Variants in RYR3 observed in about 807,000 individuals in gnomAD.
The protein encoded by RYR3 is brain ryanodine receptor-calcium release channel.
Under a neutral mutation model 584.3 loss-of-function variants are expected in RYR3, and 207 were observed. That is an observed-to-expected ratio of 0.35 (90% CI 0.32 to 0.40). The LOEUF (loss-of-function observed/expected upper bound fraction) is 0.40. RYR3 is among the 10% of genes least tolerant of loss of function. The probability of loss-of-function intolerance (pLI) is 1.00; values close to 1 mark genes in which losing one functional copy is unlikely to be tolerated. For missense variants in RYR3, 5,616 were observed against 6,089.2 expected (o/e 0.92, Z 2.59); for synonymous variants, 2,416 against 2,248.5 (o/e 1.07, Z -2.11).
intron 32 of RYR3, among the ~76,000 whole-genome samples, chr15:33,654,021 C>T (rs929674274): frequency 2.0e-5 from 3 of 150,556 alleles, no homozygotes; most frequent in African/African-American, 7.3e-5. Context: ...TAGAGTTCCA[C>T]AGAGCAAACT....
chr15:33,860,495 ACTT>A (rs971470572), intron 100 of RYR3, 97 bp from the exon 101 acceptor site: 2 of 642,432 alleles, frequency 3.1e-6, no homozygotes, highest in African/African-American at 3.7e-5. Context: ...TTGATAATTC[ACTT>A]TTTTTTTTTA....
At chr15:33,638,190 G>A (rs1364913183) in intron 27 of RYR3, among the ~76,000 whole-genome samples, 1 of 152,214 alleles carries the variant, frequency 6.6e-6, no homozygotes, top group Non-Finnish European at 1.5e-5. Context: ...GCAGACAGGT[G>A]AGAATGATGT....
intron 12 of RYR3, 55 bp from the exon 13 acceptor site, chr15:33,579,921 A>T: frequency 2.7e-6 from 4 of 1,461,634 alleles, no homozygotes; most frequent in Non-Finnish European, 3.7e-6. Flanking sequence ...GTGGGTGTTC[A>T]TCAGGGCCCT....
intron 16 of RYR3, among the ~76,000 whole-genome samples, chr15:33,595,679 C>T (rs633138): frequency 0.45 from 68,809 of 151,874 alleles, 16,089 homozygotes; most frequent in East Asian, 0.79. Context: ...GATGAGCCTT[C>T]AATTGCTATC....
chr15:33,843,285 A>C (rs10152827), intron 91 of RYR3, among the ~76,000 whole-genome samples: 1,748 of 152,072 alleles, frequency 0.011, 37 homozygotes, highest in African/African-American at 0.04. Context: ...GCACCACTGC[A>C]CTCCAGCCTG....
At chr15:33,710,421 G>C (rs2067024556) in intron 43 of RYR3, among the ~76,000 whole-genome samples, 1 of 146,372 alleles carries the variant, frequency 6.8e-6, no homozygotes, top group Non-Finnish European at 1.5e-5. Context: ...TTAGCTGACT[G>C]CACCCTCGAC....
In RYR3 at chr15:33,311,325, C is replaced by T. The variant is rs1306222152; in HGVS notation, c.51+229C>T. Among the ~76,000 whole-genome samples the T allele has an allele frequency of 6.6e-6, 1 of 152,216 alleles. No individual in the cohort carries two copies. The highest frequency in any genetic ancestry group is 1.5e-5 in the Non-Finnish European group (1 of 68,026). Reference sequence around the variant, plus strand: ...CTCCCTTGTTCCCCTACCGCCACCCCTGCCCCAGGCCCTCCACCTAGGACC... The same window carrying T: ...CTCCCTTGTTCCCCTACCGCCACCCTTGCCCCAGGCCCTCCACCTAGGACC... On this transcript the variant is annotated intron_variant, in intron 1 of 103. Coordinates refer to ENST00000634891, the MANE Select transcript of RYR3 (RefSeq NM_001036.6). The surrounding 1 kb of genome is among the most constrained non-coding windows in gnomAD (Gnocchi z 4.4).
intron 8 of RYR3, among the ~76,000 whole-genome samples, chr15:33,546,505 T>C (rs1310520197): frequency 2.0e-5 from 3 of 152,346 alleles, no homozygotes. Flanking sequence ...AAATAGCCTC[T>C]GTAATCCCAC....
intron 30 of RYR3, 124 bp from the exon 31 acceptor site, chr15:33,648,948 C>A: frequency 1.2e-6 from 1 of 850,506 alleles, no homozygotes; most frequent in Non-Finnish European, 1.8e-6. Context: ...TACTAGTGTG[C>A]ACTTTTCCAG....
chr15:33,799,336 A>G (rs2075790576), intron 67 of RYR3, among the ~76,000 whole-genome samples: 1 of 152,118 alleles, frequency 6.6e-6, no homozygotes, highest in South Asian at 2.1e-4. Context: ...CCCCACCACC[A>G]TTTACCCTCC....
In RYR3 at chr15:33,738,548, G is replaced by A. The variant is rs371646758; in HGVS notation, c.7614G>A (p.Thr2538=). Reference sequence around the variant, plus strand: ...CTGTGGAAGAAGAGCTGCACCTAACGGAGAAGCTTTTCTGGGGGATTTTTG... The same window carrying A: ...CTGTGGAAGAAGAGCTGCACCTAACAGAGAAGCTTTTCTGGGGGATTTTTG... ...GLAVEEELHL[T]EKLFWGIFDS... is the part of the protein sequence containing the mutation. Residue 2538 remains threonine, a synonymous_variant, in exon 50 of 104, where the codon ACG becomes ACA. Coordinates refer to ENST00000634891, the MANE Select transcript of RYR3 (RefSeq NM_001036.6). The A allele has an allele frequency of 2.5e-5, 40 of 1,613,834 alleles. 1 individual carries two copies. Among genetic ancestry groups the A allele is most frequent in the East Asian group, 6.7e-5 (3 of 44,892 alleles).
chr15:33,479,160 C>T (rs915251015), intron 2 of RYR3, among the ~76,000 whole-genome samples: 14 of 152,180 alleles, frequency 9.2e-5, no homozygotes, highest in East Asian at 1.9e-4. Flanking sequence ...CAGGATTAAA[C>T]ATTAGCTGTT....
At chr15:33,614,212 G>A (rs1011059648) in intron 19 of RYR3, among the ~76,000 whole-genome samples, 2 of 152,068 alleles carry the variant, frequency 1.3e-5, no homozygotes, top group East Asian at 1.9e-4. Context: ...TTTATTCTAC[G>A]GCTTGTGAAT....
chr15:33,697,834 G>A (rs753491149), intron 39 of RYR3, 48 bp from the exon 40 acceptor site: 17 of 1,159,318 alleles, frequency 1.5e-5, no homozygotes, highest in Non-Finnish European at 2.0e-5. Context: ...AATTTTCATA[G>A]CATATAAATA....
intron 16 of RYR3, 92 bp from the exon 17 acceptor site, chr15:33,601,327 C>CT: frequency 7.4e-7 from 1 of 1,346,114 alleles, no homozygotes; most frequent in Admixed American, 2.0e-5. Flanking sequence ...AGCCCCCACC[C>CT]TTTATGGACT....
intron 1 of RYR3, among the ~76,000 whole-genome samples, chr15:33,399,238 G>C (rs555071443): frequency 6.6e-6 from 1 of 152,196 alleles, no homozygotes; most frequent in East Asian, 1.9e-4. Context: ...GTATTTGCTT[G>C]CTAGCCAATT....
intron 1 of RYR3, among the ~76,000 whole-genome samples, chr15:33,441,003 G>T (rs1596151900): frequency 1.3e-5 from 2 of 152,162 alleles, no homozygotes; most frequent in Admixed American, 1.3e-4. Flanking sequence ...GAGTCGCTTG[G>T]TGTTGTGTGA....
Position 33,865,340 on chromosome 15 carries a change from TAA to T in RYR3, c.*123_*124del, listed in dbSNP as rs200704038. On this transcript the variant is annotated 3_prime_UTR_variant, in exon 104 of 104. Coordinates refer to ENST00000634891, the MANE Select transcript of RYR3 (RefSeq NM_001036.6). Reference sequence around the variant, plus strand: ...TGTGACATTTTCTAAATGCCTCCCTTAAAAAAAAAACTGCTGAAAATCTGTGC... The same window carrying T: ...TGTGACATTTTCTAAATGCCTCCCTTAAAAAAAACTGCTGAAAATCTGTGC... 1 of 622,120 alleles carries T rather than the reference TAA, an allele frequency of 1.6e-6. No homozygotes were observed. The highest frequency in any genetic ancestry group is 2.6e-6 in the Non-Finnish European group (1 of 380,088). The allele number at this position is 622,120 out of a possible 1,614,324, so 38.5% of individuals were successfully genotyped here. A position where few individuals can be genotyped will look rare whatever the true frequency, so the allele number is the denominator to read the frequency against.
intron 8 of RYR3, among the ~76,000 whole-genome samples, chr15:33,545,273 G>T (rs1230124932): frequency 6.6e-6 from 1 of 152,110 alleles, no homozygotes; most frequent in Non-Finnish European, 1.5e-5. Flanking sequence ...TGCTACTTAG[G>T]TTAGTCATTT....
Sources: gnomAD v4.1 joint callset for allele counts (sites outside exome capture counted in the v4.1 genomes callset) on GRCh38, gnomAD v4.1.1 for gene constraint, Gnocchi (gnomAD v3.1) non-coding constraint, MANE v1.5 for transcripts, NCBI Gene and HGNC (gene_info 2026-07-23, HGNC 2026-07-21) for gene names.